The following DPP10 variants were observed in gnomAD, a reference collection of about 807,000 sequenced individuals.
The protein encoded by DPP10 is inactive dipeptidyl peptidase 10.
A neutral mutation model predicts 120.9 loss-of-function variants in DPP10; 33 were observed. That is an observed-to-expected ratio of 0.27 (90% CI 0.21 to 0.37). The LOEUF (loss-of-function observed/expected upper bound fraction) is 0.37, where lower values mean the gene tolerates loss of function less well. Among genes scored for constraint, DPP10 ranks in the 10% least tolerant of loss-of-function variants. DPP10 has a pLI of 1.00. For missense variants in DPP10, 816 were observed against 942.8 expected (o/e 0.87, Z 1.76); for synonymous variants, 337 against 326.1 (o/e 1.03, Z -0.36).
chr2:115,840,709 G>A (rs752979707), intron 24 of DPP10, 41 bp from the exon 25 acceptor site: 55 of 1,561,976 alleles, frequency 3.5e-5, no homozygotes, highest in Admixed American at 2.2e-4. Context: ...TCTCATACAA[G>A]CAGTGTGTTT....
intron 1 of DPP10, among the ~76,000 whole-genome samples, chr2:115,236,725 T>G (rs1198722451): frequency 3.3e-5 from 5 of 152,200 alleles, no homozygotes; most frequent in Non-Finnish European, 7.3e-5. Flanking sequence ...CAATTTTGAA[T>G]TTTTCACTTA....
chr2:115,454,589 A>T (rs539384097), intron 3 of DPP10, among the ~76,000 whole-genome samples: 10 of 151,954 alleles, frequency 6.6e-5, no homozygotes, highest in African/African-American at 2.4e-4. Flanking sequence ...AATGACAAAC[A>T]GTATTTAGTT....
chr2:114,648,293 T>A (rs1248631547), intron 1 of DPP10, among the ~76,000 whole-genome samples: 1 of 152,200 alleles, frequency 6.6e-6, no homozygotes, highest in Non-Finnish European at 1.5e-5. Context: ...TCTTCTGAGA[T>A]CATCTATGAA....
chr2:114,997,850 G>T (rs1701195106), intron 1 of DPP10, among the ~76,000 whole-genome samples: 1 of 152,168 alleles, frequency 6.6e-6, no homozygotes, highest in Admixed American at 6.5e-5. Flanking sequence ...TAGAATATTT[G>T]TATGTACCTA....
intron 1 of DPP10, among the ~76,000 whole-genome samples, chr2:115,073,972 GAGA>G (rs1707581051): frequency 6.6e-6 from 1 of 152,210 alleles, no homozygotes; most frequent in Non-Finnish European, 1.5e-5. Flanking sequence ...TGTAAAGAGT[GAGA>G]AGAAGGTTGG....
At chr2:115,338,567 C>A in intron 2 of DPP10, among the ~76,000 whole-genome samples, 1 of 152,048 alleles carries the variant, frequency 6.6e-6, no homozygotes, top group Non-Finnish European at 1.5e-5. Context: ...CTCAAATGAT[C>A]CTCCTGCCTC....
chr2:115,081,920 T>G (rs1708305570), intron 1 of DPP10, among the ~76,000 whole-genome samples: 1 of 152,202 alleles, frequency 6.6e-6, no homozygotes, highest in Admixed American at 6.5e-5. Flanking sequence ...TAGATTTTGA[T>G]TCCATTCCCA....
At chr2:114,788,572 C>A (rs182852929) in intron 1 of DPP10, among the ~76,000 whole-genome samples, 1 of 151,992 alleles carries the variant, frequency 6.6e-6, no homozygotes, top group African/African-American at 2.4e-5. Flanking sequence ...CCCACCACCA[C>A]GCCCGGCTAA....
At chr2:115,582,195 C>A (rs2082038049) in intron 5 of DPP10, among the ~76,000 whole-genome samples, 1 of 152,146 alleles carries the variant, frequency 6.6e-6, no homozygotes, top group African/African-American at 2.4e-5. Flanking sequence ...TTCCTTGTGG[C>A]AGGCTGTCCG....
At chr2:114,901,174 A>C (rs1693533196) in intron 1 of DPP10, among the ~76,000 whole-genome samples, 1 of 151,982 alleles carries the variant, frequency 6.6e-6, no homozygotes, top group Non-Finnish European at 1.5e-5. Context: ...CAAATGGATA[A>C]CTCGTTTTGT....
intron 4 of DPP10, among the ~76,000 whole-genome samples, chr2:115,506,106 T>A (rs565977362): frequency 1.6e-4 from 24 of 152,192 alleles, no homozygotes; most frequent in African/African-American, 5.5e-4. Context: ...ATAAAAATAA[T>A]TTTTCCCTTC....
At chr2:115,785,578 CCAGGAATTTAT>C (rs1220859411) in intron 17 of DPP10, among the ~76,000 whole-genome samples, 2 of 152,050 alleles carry the variant, frequency 1.3e-5, no homozygotes, top group African/African-American at 4.8e-5. Flanking sequence ...GTGTGTATGT[CCAGGAATTTAT>C]CAACTTCTTG....
At chr2:115,787,939 C>T (rs115799295) in intron 17 of DPP10, among the ~76,000 whole-genome samples, 2,659 of 152,074 alleles carry the variant, frequency 0.017, 83 homozygotes, top group African/African-American at 0.059. Flanking sequence ...CAAATGCTGA[C>T]GGAAAACCAA....
At chr2:115,257,327 A>G (rs1025210490) in intron 1 of DPP10, among the ~76,000 whole-genome samples, 1 of 151,566 alleles carries the variant, frequency 6.6e-6, no homozygotes, top group Non-Finnish European at 1.5e-5. Context: ...AGATGGGGCA[A>G]TTTATAAAGA....
intron 1 of DPP10, among the ~76,000 whole-genome samples, chr2:114,545,399 A>G (rs1687311276): frequency 6.6e-6 from 1 of 152,174 alleles, no homozygotes; most frequent in South Asian, 2.1e-4. Context: ...CACTGAACAG[A>G]TGGCTGGCTT....
At position 115,284,241 on chromosome 2, in the gene DPP10, C is replaced by T. The variant is rs561008175; in HGVS notation, c.61-24998C>T. ...TTGCCTGTTAGTGATATACCCTATT[C>T]GCTTTTGTTGACAAAATGCAAATTA... On this transcript the variant is annotated intron_variant, in intron 1 of 25. Transcript: ENST00000410059. Among the ~76,000 whole-genome samples, 5 of 152,080 alleles carry T rather than the reference C, an allele frequency of 3.3e-5. No individual in the cohort carries two copies. In the South Asian group the frequency reaches 6.2e-4, roughly 19 times the overall value.
chr2:115,305,399 A>G (rs1199705625), intron 1 of DPP10, among the ~76,000 whole-genome samples: 2 of 152,064 alleles, frequency 1.3e-5, no homozygotes, highest in South Asian at 2.1e-4. Context: ...CTAAGCACCT[A>G]TTAAGAGAAC....
intron 5 of DPP10, among the ~76,000 whole-genome samples, chr2:115,557,821 C>T (rs1006485451): frequency 1.2e-4 from 18 of 152,278 alleles, no homozygotes; most frequent in African/African-American, 4.1e-4. Context: ...CCTAGGAAGA[C>T]ATTTTTCAGG....
intron 1 of DPP10, among the ~76,000 whole-genome samples, chr2:114,852,279 G>T (rs1256064689): frequency 6.8e-6 from 1 of 146,258 alleles, no homozygotes; most frequent in Non-Finnish European, 1.5e-5. Context: ...CCTTTCAAGA[G>T]AGTTAATGTT....
Sources: allele counts gnomAD v4.1 joint callset (sites outside exome capture counted in the v4.1 genomes callset), GRCh38; gene constraint gnomAD v4.1.1; transcripts MANE v1.5; gene names NCBI Gene and HGNC (gene_info 2026-07-23, HGNC 2026-07-21).